Variants in GRM7 observed in about 807,000 individuals in gnomAD.
GRM7 encodes metabotropic glutamate receptor 7.
Under a neutral mutation model 84.5 loss-of-function variants are expected in GRM7, and 35 were observed. The observed-to-expected ratio is 0.41, with a 90% confidence interval of 0.32 to 0.55. The LOEUF (loss-of-function observed/expected upper bound fraction) is 0.55, where lower values mean the gene tolerates loss of function less well. GRM7 is among the 20% of genes least tolerant of loss of function. GRM7 has a pLI of 0.19. For synonymous variants in GRM7, 487 were observed against 455.1 expected (o/e 1.07, Z -0.89); for missense variants, 1,003 against 1,194.6 (o/e 0.84, Z 2.36).
intron 1 of GRM7, among the ~76,000 whole-genome samples, chr3:7,081,537 C>A (rs953567487): frequency 6.6e-5 from 10 of 151,926 alleles, no homozygotes; most frequent in Admixed American, 6.6e-4. Context: ...GAAGAGAGAC[C>A]AGTTAATAAC....
intron 7 of GRM7, among the ~76,000 whole-genome samples, chr3:7,549,806 A>G (rs955294770): frequency 6.6e-6 from 1 of 152,218 alleles, no homozygotes; most frequent in Non-Finnish European, 1.5e-5. Flanking sequence ...AATTCTGAAA[A>G]TTGACCTTGT....
intron 1 of GRM7, among the ~76,000 whole-genome samples, chr3:7,057,786 C>T (rs1462311178): frequency 1.3e-5 from 2 of 151,860 alleles, no homozygotes; most frequent in East Asian, 1.9e-4. Context: ...TGGGACTTGG[C>T]ACCTCTTCAT....
At chr3:7,413,350 A>G (rs1040140742) in intron 4 of GRM7, among the ~76,000 whole-genome samples, 1 of 152,220 alleles carries the variant, frequency 6.6e-6, no homozygotes. Flanking sequence ...TCTCGTGGAC[A>G]ATTTTATTCC....
chr3:7,295,189 A>G (rs1365351521), intron 2 of GRM7, among the ~76,000 whole-genome samples: 1 of 152,206 alleles, frequency 6.6e-6, no homozygotes, highest in African/African-American at 2.4e-5. Flanking sequence ...TATATAAGGC[A>G]AGATTTATTA....
intron 1 of GRM7, among the ~76,000 whole-genome samples, chr3:6,969,136 A>G (rs12107797): frequency 0.061 from 9,200 of 151,802 alleles, 549 homozygotes; most frequent in African/African-American, 0.15. Context: ...CTACCAGCAC[A>G]TCCTTTTTAT....
chr3:7,087,753 T>C (rs1574884484), intron 1 of GRM7, among the ~76,000 whole-genome samples: 1 of 152,082 alleles, frequency 6.6e-6, no homozygotes, highest in Non-Finnish European at 1.5e-5. Flanking sequence ...AGCAAAAGGG[T>C]TTATAAAATT....
chr3:7,263,813 G>T (rs1288048136), intron 2 of GRM7, among the ~76,000 whole-genome samples: 1 of 152,062 alleles, frequency 6.6e-6, no homozygotes, highest in African/African-American at 2.4e-5. Flanking sequence ...GGTAGGGTAG[G>T]TTGGGGGTTC....
rs541157246 is a variant in GRM7, at chr3:7,740,887, G to A, written c.*481G>A. On this transcript the variant is annotated 3_prime_UTR_variant, in exon 10 of 10. Coordinates refer to ENST00000357716, the MANE Select transcript of GRM7 (RefSeq NM_000844.4). Reference sequence around the variant, plus strand: ...TTCATAGAGCCCTATTCTCTCAGACGGTGGAATATTTGGAAAAATTTTAAA... The same window carrying A: ...TTCATAGAGCCCTATTCTCTCAGACAGTGGAATATTTGGAAAAATTTTAAA... 7 of 153,104 alleles carry A rather than the reference G, an allele frequency of 4.6e-5. No individual in the cohort carries two copies. The highest frequency in any genetic ancestry group is 3.3e-4 in the Admixed American group (5 of 15,268). 9.5% of individuals were successfully genotyped at this position (153,104 alleles called of 1,614,324 possible).
intron 4 of GRM7, among the ~76,000 whole-genome samples, chr3:7,361,388 A>G (rs1475945297): frequency 2.0e-5 from 3 of 152,134 alleles, no homozygotes; most frequent in Admixed American, 1.3e-4. Flanking sequence ...TCTTTGCTTT[A>G]TGTCCTAACC....
At chr3:7,139,068 A>T (rs1447105335) in intron 1 of GRM7, among the ~76,000 whole-genome samples, 1 of 147,464 alleles carries the variant, frequency 6.8e-6, no homozygotes, top group East Asian at 1.9e-4. Flanking sequence ...AGTACATTAT[A>T]TAATATTATA....
chr3:6,875,993 C>T (rs796839764), intron 1 of GRM7, among the ~76,000 whole-genome samples: 23 of 152,142 alleles, frequency 1.5e-4, no homozygotes, highest in African/African-American at 4.8e-4. Flanking sequence ...CATGGCCGGG[C>T]GTAGTGGCTC....
chr3:6,913,856 A>G lies in GRM7; in HGVS notation c.519+51949A>G, dbSNP rs557855492. ...ATAGAGTTCATAACTTTGACCAACA[A>G]TCTGTGACCTTGGCCTTCTTGGCGT... On this transcript the variant is annotated intron_variant, in intron 1 of 9. Transcript: ENST00000357716. Among the ~76,000 whole-genome samples the G allele has an allele frequency of 6.6e-5, 10 of 152,230 alleles. No homozygotes were observed. In the South Asian group the frequency reaches 8.3e-4, roughly 13 times the overall value.
chr3:7,219,795 G>A (rs920167744), intron 2 of GRM7, among the ~76,000 whole-genome samples: 2 of 152,132 alleles, frequency 1.3e-5, no homozygotes, highest in African/African-American at 4.8e-5. Flanking sequence ...CCAATGAGTG[G>A]AACTCCTTGA....
chr3:7,138,566 T>C (rs1371181040), intron 1 of GRM7, among the ~76,000 whole-genome samples: 2 of 150,308 alleles, frequency 1.3e-5, no homozygotes. Flanking sequence ...ATGGATTTGG[T>C]AGTATGAATA....
chr3:7,396,886 G>A (rs573513520), intron 4 of GRM7, among the ~76,000 whole-genome samples: 98 of 152,134 alleles, frequency 6.4e-4, no homozygotes, highest in Non-Finnish European at 1.3e-3. Context: ...AGAACTTTAT[G>A]GCATCTAATA....
At chr3:7,320,499 T>C (rs953680253) in intron 4 of GRM7, among the ~76,000 whole-genome samples, 1 of 152,014 alleles carries the variant, frequency 6.6e-6, no homozygotes, top group Non-Finnish European at 1.5e-5. Context: ...TCTTTGGAGA[T>C]AAGGGCAGTT....
intron 9 of GRM7, chr3:7,691,308 G>T: frequency 1.6e-6 from 2 of 1,250,524 alleles, no homozygotes; most frequent in Non-Finnish European, 2.1e-6. Context: ...AACATGACAT[G>T]GATCAGCAAC....
rs542130732 is a variant in GRM7 at position 7,731,263 on chromosome 3, G to A, written c.2699-9094G>A. ...ATCTGATGAGTTATAATAAGGGTTAGCTTTAAATACAGTAACCCATAGGAG... is the reference window on the plus strand; with the variant it reads ...ATCTGATGAGTTATAATAAGGGTTAACTTTAAATACAGTAACCCATAGGAG... On this transcript the variant is annotated intron_variant, in intron 9 of 9. Transcript: ENST00000357716. Among the ~76,000 whole-genome samples the A allele has an allele frequency of 5.3e-5, 8 of 152,172 alleles. No individual in the cohort carries two copies. In the South Asian group the frequency reaches 1.7e-3, roughly 32 times the overall value.
intron 2 of GRM7, among the ~76,000 whole-genome samples, chr3:7,275,546 G>C (rs1275264884): frequency 6.6e-6 from 1 of 152,098 alleles, no homozygotes; most frequent in African/African-American, 2.4e-5. Flanking sequence ...TCCTCATTAA[G>C]TAGAAGATGA....
Sources: gnomAD v4.1 joint callset for allele counts (sites outside exome capture counted in the v4.1 genomes callset) on GRCh38, gnomAD v4.1.1 for gene constraint, MANE v1.5 for transcripts, NCBI Gene and HGNC (gene_info 2026-07-23, HGNC 2026-07-21) for gene names.